Variants in ANKRD30BL observed in about 807,000 individuals in gnomAD.
ANKRD30BL encodes ankyrin repeat domain 30B like.
In ANKRD30BL, 20 loss-of-function variants were observed where a neutral mutation model predicts 18.4. The observed-to-expected ratio is 1.09, with a 90% CI of 0.77 to 1.58. The LOEUF is 1.58. Among genes scored for constraint, ANKRD30BL ranks in the 40% most tolerant of loss-of-function variants. The pLI is 0.00. For missense variants in ANKRD30BL, 224 were observed against 268.6 expected (o/e 0.83, Z 1.16); for synonymous variants, 72 against 100.9 (o/e 0.71, Z 1.72).
chr2:132,221,375 G>C (rs1216428608), intron 1 of ANKRD30BL, among the ~76,000 whole-genome samples: 15 of 130,748 alleles, frequency 1.1e-4, no homozygotes, highest in East Asian at 2.3e-4. Flanking sequence ...GGGAGGGGGG[G>C]TCAGCCCCCT....
chr2:132,241,704 A>G (rs1256273488), intron 1 of ANKRD30BL, among the ~76,000 whole-genome samples: 2 of 151,768 alleles, frequency 1.3e-5, no homozygotes, highest in African/African-American at 2.4e-5. Context: ...AACTTCACAG[A>G]AGCATTCTGA....
chr2:132,232,372 C>G (rs1387384267), intron 1 of ANKRD30BL, among the ~76,000 whole-genome samples: 2 of 151,974 alleles, frequency 1.3e-5, no homozygotes, highest in African/African-American at 4.8e-5. Flanking sequence ...AGGCTTCAGA[C>G]GATCAAATTA....
intron 1 of ANKRD30BL, among the ~76,000 whole-genome samples, chr2:132,194,547 A>G (rs1678925770): frequency 6.6e-6 from 1 of 152,192 alleles, no homozygotes; most frequent in Non-Finnish European, 1.5e-5. Context: ...AGGAGTCCAC[A>G]GTGACCTAAG....
At chr2:132,249,541 A>G (rs934847829) in intron 1 of ANKRD30BL, among the ~76,000 whole-genome samples, 2 of 150,688 alleles carry the variant, frequency 1.3e-5, no homozygotes, top group Non-Finnish European at 3.0e-5. Context: ...GAAGACTGTT[A>G]CCAAAGTGCT....
At chr2:132,210,155 A>T (rs1317216331) in intron 1 of ANKRD30BL, among the ~76,000 whole-genome samples, 1 of 151,922 alleles carries the variant, frequency 6.6e-6, no homozygotes, top group Non-Finnish European at 1.5e-5. Context: ...CTGCAAGTGG[A>T]TATTTGGAGC....
intron 1 of ANKRD30BL, among the ~76,000 whole-genome samples, chr2:132,252,523 C>T (rs1403847851): frequency 3.6e-5 from 4 of 111,220 alleles, no homozygotes; most frequent in East Asian, 3.2e-4. Context: ...CACACCGTGA[C>T]GTGCCGGGCG....
intron 1 of ANKRD30BL, among the ~76,000 whole-genome samples, chr2:132,184,308 T>C (rs1459058592): frequency 6.6e-6 from 1 of 152,216 alleles, no homozygotes; most frequent in East Asian, 1.9e-4. Flanking sequence ...ACATAGAACC[T>C]TATTTGTCTG....
At chr2:132,160,940 A>G (rs977143167) in intron 1 of ANKRD30BL, among the ~76,000 whole-genome samples, 10 of 148,704 alleles carry the variant, frequency 6.7e-5, no homozygotes, top group Non-Finnish European at 1.5e-4. Context: ...TAAATTCGAA[A>G]ACATAAACCA....
intron 3 of ANKRD30BL, chr2:132,156,096 A>T (rs1687896646): frequency 6.6e-6 from 1 of 151,970 alleles, no homozygotes; most frequent in Non-Finnish European, 1.5e-5. Context: ...TATTAACGAA[A>T]GTTCTAACTC....
chr2:132,154,591 A>G (rs1393617243), intron 4 of ANKRD30BL, 71 bp downstream of exon 4: 1 of 534,260 alleles, frequency 1.9e-6, no homozygotes, highest in Non-Finnish European at 3.4e-6. Flanking sequence ...TACTAATTTA[A>G]TATTTCTGAC....
At chr2:132,238,096 T>A (rs1303927851) in intron 1 of ANKRD30BL, among the ~76,000 whole-genome samples, 1 of 151,728 alleles carries the variant, frequency 6.6e-6, no homozygotes, top group Non-Finnish European at 1.5e-5. Context: ...GGACATTTAG[T>A]GCGATTTGAG....
At chr2:132,171,107 A>T (rs1399746962) in intron 1 of ANKRD30BL, among the ~76,000 whole-genome samples, 12 of 150,722 alleles carry the variant, frequency 8.0e-5, no homozygotes, top group Admixed American at 4.0e-4. Flanking sequence ...GTGAGCCGAG[A>T]TCGCACCACT....
At chr2:132,253,002 G>A (rs1573898799) in intron 1 of ANKRD30BL, among the ~76,000 whole-genome samples, 1 of 152,190 alleles carries the variant, frequency 6.6e-6, no homozygotes, top group Non-Finnish European at 1.5e-5. Flanking sequence ...CAGGGCCGCA[G>A]GGGGAGGGGG....
At chr2:132,196,347 C>CAGGAGGCTGAAG in intron 1 of ANKRD30BL, among the ~76,000 whole-genome samples, 1 of 151,948 alleles carries the variant, frequency 6.6e-6, no homozygotes, top group Middle Eastern at 3.4e-3. Flanking sequence ...CCCAGCTACT[C>CAGGAGGCTGAAG]CAGAGGCTGA....
chr2:132,249,340 T>A (rs1476159263), intron 1 of ANKRD30BL, among the ~76,000 whole-genome samples: 1 of 152,082 alleles, frequency 6.6e-6, no homozygotes, highest in Non-Finnish European at 1.5e-5. Flanking sequence ...TTCACAAATA[T>A]CCATTTGCAG....
Position 132,210,634 on chromosome 2 carries a change from T to G in ANKRD30BL, n.441+46895A>C, listed in dbSNP as rs545856274. 2.2e-3 allele frequency among the ~76,000 whole-genome samples: 335 copies of G among 151,766 alleles called. 1 individual carries two copies. The highest frequency in any genetic ancestry group is 7.8e-3 in the African/African-American group (324 of 41,418). On this transcript the variant is annotated intron_variant and non_coding_transcript_variant, in intron 1 of 4. Transcript: ENST00000470729. ...TGAAACTTTCTTTTGATTGAGCAGATTTGAAGCACACTTTTTGTGGAATGA... is the reference window on the plus strand; with the variant it reads ...TGAAACTTTCTTTTGATTGAGCAGAGTTGAAGCACACTTTTTGTGGAATGA...
intron 1 of ANKRD30BL, among the ~76,000 whole-genome samples, chr2:132,241,662 T>C (rs111519783): frequency 6.6e-6 from 1 of 150,732 alleles, no homozygotes; most frequent in Non-Finnish European, 1.5e-5. Flanking sequence ...AGCTTTGTGG[T>C]TTTGTTGGAA....
intron 1 of ANKRD30BL, among the ~76,000 whole-genome samples, chr2:132,232,570 G>GA (rs767695381): frequency 3.3e-5 from 5 of 151,946 alleles, no homozygotes; most frequent in Non-Finnish European, 5.9e-5. Flanking sequence ...CAATCAACTG[G>GA]AAAAAAGGGT....
At chr2:132,255,732 G>C (rs1015406144) in intron 1 of ANKRD30BL, among the ~76,000 whole-genome samples, 12 of 152,152 alleles carry the variant, frequency 7.9e-5, no homozygotes, top group Non-Finnish European at 1.6e-4. Flanking sequence ...TGCCTTCCTT[G>C]AATGTGGTAG....
Sources: allele counts gnomAD v4.1 joint callset (sites outside exome capture counted in the v4.1 genomes callset), GRCh38; gene constraint gnomAD v4.1.1; transcripts MANE v1.5; gene names NCBI Gene and HGNC (gene_info 2026-07-23, HGNC 2026-07-21).